Variants in GPC5 observed in about 807,000 individuals in gnomAD.
GPC5 encodes glypican-5.
GPC5 carries 47 observed loss-of-function variants against 53.9 expected under a neutral mutation model. The ratio of observed to expected loss-of-function variants is 0.87; its 90% CI spans 0.69 to 1.11. The LOEUF is 1.11. Among genes scored for constraint, GPC5 ranks in the 50% most tolerant of loss-of-function variants. GPC5 has a pLI of 0.00. For missense variants in GPC5, 748 were observed against 713.1 expected, an observed-to-expected ratio of 1.05 and a Z score of -0.56; for synonymous variants, 286 against 263.3, an observed-to-expected ratio of 1.09 and a Z score of -0.84.
chr13:92,521,396 C>T (rs866348321), intron 7 of GPC5, among the ~76,000 whole-genome samples: 5 of 152,274 alleles, frequency 3.3e-5, no homozygotes, highest in Non-Finnish European at 5.9e-5. Context: ...GCTACAGTAA[C>T]CGAAACAGCA....
At chr13:91,438,479 A>G (rs2139055390) in intron 1 of GPC5, among the ~76,000 whole-genome samples, 1 of 152,272 alleles carries the variant, frequency 6.6e-6, no homozygotes, top group East Asian at 1.9e-4. Context: ...AACAGCGGAT[A>G]TTGGTGAACA....
At chr13:92,166,401 C>G (rs2139013472) in intron 7 of GPC5, among the ~76,000 whole-genome samples, 1 of 152,252 alleles carries the variant, frequency 6.6e-6, no homozygotes, top group South Asian at 2.1e-4. Flanking sequence ...TTTCATTTCT[C>G]AAATACTATG....
intron 1 of GPC5, among the ~76,000 whole-genome samples, chr13:91,410,386 C>T (rs542465010): frequency 2.1e-5 from 3 of 144,560 alleles, no homozygotes; most frequent in Non-Finnish European, 3.0e-5. Context: ...CTCTCTGTCG[C>T]CCAGGCTGGA....
chr13:92,597,846 T>C (rs893635672), intron 7 of GPC5, among the ~76,000 whole-genome samples: 1 of 152,244 alleles, frequency 6.6e-6, no homozygotes, highest in African/African-American at 2.4e-5. Flanking sequence ...ATGCATTCAT[T>C]CGTTCATTCA....
chr13:92,697,295 G>C (rs1158288199), intron 7 of GPC5, among the ~76,000 whole-genome samples: 1 of 152,122 alleles, frequency 6.6e-6, no homozygotes, highest in African/African-American at 2.4e-5. Context: ...GGGCAGTACA[G>C]CCATTTTCAC....
intron 5 of GPC5, among the ~76,000 whole-genome samples, chr13:91,900,176 T>G (rs2039483743): frequency 6.6e-6 from 1 of 152,184 alleles, no homozygotes; most frequent in Non-Finnish European, 1.5e-5. Context: ...AAAAGCTATA[T>G]AAGATTCTAG....
intron 5 of GPC5, among the ~76,000 whole-genome samples, chr13:91,879,804 A>C (rs574759514): frequency 3.3e-5 from 5 of 152,176 alleles, no homozygotes; most frequent in African/African-American, 1.2e-4. Flanking sequence ...ATATTAATAT[A>C]TATTTCCTGG....
chr13:92,102,179 A>C (rs1025437436), intron 6 of GPC5, among the ~76,000 whole-genome samples: 3 of 152,190 alleles, frequency 2.0e-5, no homozygotes, highest in Non-Finnish European at 4.4e-5. Context: ...TTTGGAACAG[A>C]GAGGGAGATA....
intron 7 of GPC5, among the ~76,000 whole-genome samples, chr13:92,781,038 C>A (rs1876008495): frequency 6.6e-6 from 1 of 152,114 alleles, no homozygotes; most frequent in Non-Finnish European, 1.5e-5. Context: ...CACACGCACA[C>A]ATATACATCT....
At chr13:92,259,330 T>C (rs1594044197) in intron 7 of GPC5, among the ~76,000 whole-genome samples, 1 of 152,146 alleles carries the variant, frequency 6.6e-6, no homozygotes, top group Non-Finnish European at 1.5e-5. Context: ...GGACAAGCAG[T>C]TTATGTAATA....
chr13:92,380,977 C>T lies in GPC5; in HGVS notation c.1561+235988C>T, dbSNP rs941323423. Among the ~76,000 whole-genome samples, 17 of 152,072 alleles carry T rather than the reference C, an allele frequency of 1.1e-4. 1 individual carries two copies. In the Middle Eastern group the frequency reaches 0.024, roughly 213 times the overall value. On this transcript the variant is annotated intron_variant, in intron 7 of 7. Coordinates refer to ENST00000377067, the MANE Select transcript of GPC5 (RefSeq NM_004466.6). Reference sequence around the variant, plus strand: ...AAGGATTTCACTTTTGAGACTTTATCCCCTTTCCATGACCACATGAAAACC... The same window carrying T: ...AAGGATTTCACTTTTGAGACTTTATTCCCTTTCCATGACCACATGAAAACC...
chr13:92,237,588 A>G (rs2042579811), intron 7 of GPC5, among the ~76,000 whole-genome samples: 1 of 152,146 alleles, frequency 6.6e-6, no homozygotes, highest in African/African-American at 2.4e-5. Flanking sequence ...ATTTTTTCCA[A>G]GTATGTGTAT....
At chr13:92,708,857 CTTTTTTTTTTTTTTTTTTTTTTTTTTTTT>C (rs752130758) in intron 7 of GPC5, among the ~76,000 whole-genome samples, 4 of 48,140 alleles carry the variant, frequency 8.3e-5, no homozygotes, top group Non-Finnish European at 1.2e-4. Context: ...TGGAAACCGC[CTTTTTTTTTTTTTTTTTTTTTTTTTTTTT>C]TTTTTTTTTT....
chr13:91,963,881 G>A (rs1439198575), intron 6 of GPC5, among the ~76,000 whole-genome samples: 2 of 152,164 alleles, frequency 1.3e-5, no homozygotes, highest in Admixed American at 1.3e-4. Flanking sequence ...TACAAGATGT[G>A]ATGATAAACA....
chr13:91,683,918 G>A (rs866317970), intron 2 of GPC5, among the ~76,000 whole-genome samples: 7 of 152,082 alleles, frequency 4.6e-5, no homozygotes, highest in South Asian at 2.1e-4. Context: ...TGTCCATAAC[G>A]TTGCCTTAAT....
intron 7 of GPC5, among the ~76,000 whole-genome samples, chr13:92,395,731 A>G (rs888231232): frequency 5.3e-5 from 8 of 151,990 alleles, no homozygotes; most frequent in Admixed American, 4.6e-4. Flanking sequence ...CCCCTTTTCA[A>G]TGGTGCACAT....
intron 6 of GPC5, among the ~76,000 whole-genome samples, chr13:92,063,577 C>T (rs1257404853): frequency 6.6e-6 from 1 of 151,762 alleles, no homozygotes; most frequent in Non-Finnish European, 1.5e-5. Context: ...AAAAATAAAC[C>T]AAGAGAGGGT....
At position 91,762,758 on chromosome 13, in the gene GPC5, T is replaced by C. The variant is rs367997812; in HGVS notation, c.1280+6338T>C. Among the ~76,000 whole-genome samples the C allele has an allele frequency of 3.3e-5, 5 of 152,120 alleles. No homozygotes were observed. The East Asian group carries it at 7.7e-4, about 23-fold the overall frequency. On this transcript the variant is annotated intron_variant, in intron 5 of 7. Transcript: ENST00000377067. Reference sequence around the variant, plus strand: ...GAAGACTTCTTCCTCACTTCAGCAATTTACCATGGAGCTTGAAATGCCCAC... The same window carrying C: ...GAAGACTTCTTCCTCACTTCAGCAACTTACCATGGAGCTTGAAATGCCCAC...
At chr13:92,408,053 C>T (rs1875870926) in intron 7 of GPC5, among the ~76,000 whole-genome samples, 1 of 152,184 alleles carries the variant, frequency 6.6e-6, no homozygotes, top group African/African-American at 2.4e-5. Context: ...AACTTGTCTG[C>T]ACCGCAGGAG....
Sources: allele counts gnomAD v4.1 joint callset (sites outside exome capture counted in the v4.1 genomes callset), GRCh38; gene constraint gnomAD v4.1.1; transcripts MANE v1.5; gene names NCBI Gene and HGNC (gene_info 2026-07-23, HGNC 2026-07-21).